The following UGGT2 variants were observed in gnomAD, a reference collection of about 807,000 sequenced individuals.
UGGT2 encodes the protein UDP-glucose:glycoprotein glucosyltransferase 2.
Under a neutral mutation model 192.1 loss-of-function variants are expected in UGGT2, and 180 were observed. That is an observed-to-expected ratio of 0.94 (90% CI 0.83 to 1.06). UGGT2 has a LOEUF of 1.06. Among genes scored for constraint, UGGT2 ranks in the 50% least tolerant of loss-of-function variants. The probability of loss-of-function intolerance (pLI) is 0.00; values close to 1 mark genes in which losing one functional copy is unlikely to be tolerated. For synonymous variants in UGGT2, 580 were observed against 591.0 expected, an observed-to-expected ratio of 0.98 and a Z score of 0.27; for missense variants, 1,849 against 1,795.7, an observed-to-expected ratio of 1.03 and a Z score of -0.54.
chr13:96,009,283 C>T (rs1403831734), intron 5 of UGGT2, among the ~76,000 whole-genome samples: 1 of 152,110 alleles, frequency 6.6e-6, no homozygotes, highest in Non-Finnish European at 1.5e-5. Context: ...TGGGCCCTGG[C>T]AAAGATTTCA....
chr13:95,964,729 C>T, intron 12 of UGGT2, among the ~76,000 whole-genome samples: 1 of 152,096 alleles, frequency 6.6e-6, no homozygotes, highest in Middle Eastern at 3.4e-3. Flanking sequence ...GCAACAAAAG[C>T]CAAAATTGAC....
intron 12 of UGGT2, among the ~76,000 whole-genome samples, chr13:95,966,664 A>T (rs2050589843): frequency 6.6e-6 from 1 of 152,208 alleles, no homozygotes; most frequent in Admixed American, 6.5e-5. Context: ...TATCACATGA[A>T]TCTCATAAAT....
At chr13:95,881,872 C>T (rs977375926) in intron 27 of UGGT2, among the ~76,000 whole-genome samples, 1 of 151,050 alleles carries the variant, frequency 6.6e-6, no homozygotes, top group Non-Finnish European at 1.5e-5. Flanking sequence ...AGAAGAGCAA[C>T]ACATCTGAAC....
intron 20 of UGGT2, among the ~76,000 whole-genome samples, chr13:95,913,062 C>A (rs564023169): frequency 9.2e-5 from 14 of 152,286 alleles, no homozygotes; most frequent in Admixed American, 8.5e-4. Context: ...TGGATCCTTT[C>A]CTTACACCTT....
chr13:95,982,498 T>C (rs2051158057), intron 10 of UGGT2, among the ~76,000 whole-genome samples: 1 of 152,148 alleles, frequency 6.6e-6, no homozygotes, highest in Admixed American at 6.5e-5. Flanking sequence ...GTGGTCAGCC[T>C]TCCCCATGCA....
At chr13:96,023,918 A>C (rs1026420849) in intron 2 of UGGT2, among the ~76,000 whole-genome samples, 159 bp from the exon 3 acceptor site, 2 of 152,216 alleles carry the variant, frequency 1.3e-5, no homozygotes, top group Non-Finnish European at 2.9e-5. Context: ...TCTCAGTTCT[A>C]TAATCAACTT....
At chr13:96,045,296 T>A (rs957982526) in intron 1 of UGGT2, among the ~76,000 whole-genome samples, 1 of 152,196 alleles carries the variant, frequency 6.6e-6, no homozygotes. Context: ...CCCTTTATGA[T>A]TAAAACTCTC....
At chr13:95,975,121 G>C (rs2140814668) in intron 10 of UGGT2, among the ~76,000 whole-genome samples, 1 of 152,188 alleles carries the variant, frequency 6.6e-6, no homozygotes, top group East Asian at 1.9e-4. Context: ...ATGCGGCTCT[G>C]AGTTGAAGAA....
intron 38 of UGGT2, among the ~76,000 whole-genome samples, chr13:95,816,702 G>A (rs975678231): frequency 3.3e-5 from 5 of 152,338 alleles, no homozygotes; most frequent in South Asian, 2.1e-4. Context: ...AAGCAGCTTA[G>A]TGATTGTAAG....
rs2053442980 is a variant in UGGT2 at position 96,050,158 on chromosome 13, C to A, written c.158+2997G>T. On this transcript the variant is annotated intron_variant, in intron 1 of 38. Coordinates refer to ENST00000376747, the MANE Select transcript of UGGT2 (RefSeq NM_020121.4). ...TATAGACCAATGGAACAGAGCAGAGCCCTCAGAAATAATACCACACATCTA... is the reference window on the plus strand; with the variant it reads ...TATAGACCAATGGAACAGAGCAGAGACCTCAGAAATAATACCACACATCTA... Among the ~76,000 whole-genome samples, 4 of 152,012 alleles carry A rather than the reference C, an allele frequency of 2.6e-5. No homozygotes were observed. In the South Asian group the frequency reaches 8.3e-4, roughly 32 times the overall value.
rs564986285 is a variant in UGGT2, at chr13:95,896,140, C to T, written c.2635-836G>A. 5.9e-5 allele frequency among the ~76,000 whole-genome samples: 9 copies of T among 152,188 alleles called. No homozygotes were observed. The South Asian group carries it at 1.0e-3, about 17-fold the overall frequency. ...TATATTTAATGATAATCAGAAAACA[C>T]GTCAACCAGATTATTTTTTTCTTGG... On this transcript the variant is annotated intron_variant, in intron 22 of 38. Coordinates refer to ENST00000376747, the MANE Select transcript of UGGT2 (RefSeq NM_020121.4).
Position 95,856,258 on chromosome 13 carries a change from T to TG in UGGT2, c.3907dup (p.Gln1303ProfsTer3). ...CCAAATAATCCTCTGTCTTTCAGTC[T>TG]GTTGACGAAGCCAACGGGGCCACCT... On this transcript the variant is annotated frameshift_variant, in exon 34 of 39. Transcript: ENST00000376747. LOFTEE classifies it high-confidence loss of function. The TG allele has an allele frequency of 6.2e-7, 1 of 1,613,792 alleles. No homozygotes were observed. Among genetic ancestry groups the TG allele is most frequent in the Non-Finnish European group, 8.5e-7 (1 of 1,179,828 alleles).
chr13:95,994,359 A>C (rs2051551562), intron 7 of UGGT2, among the ~76,000 whole-genome samples: 1 of 151,908 alleles, frequency 6.6e-6, no homozygotes, highest in African/African-American at 2.4e-5. Context: ...AAAAACAGTA[A>C]AAATAACACT....
chr13:95,915,147 G>C (rs2048641826), intron 20 of UGGT2, among the ~76,000 whole-genome samples: 1 of 152,130 alleles, frequency 6.6e-6, no homozygotes, highest in South Asian at 2.1e-4. Context: ...GCATCAGCTA[G>C]ACACTCTGGT....
At chr13:95,858,383 T>C (rs1889823649) in intron 33 of UGGT2, among the ~76,000 whole-genome samples, 1 of 151,956 alleles carries the variant, frequency 6.6e-6, no homozygotes, top group Non-Finnish European at 1.5e-5. Flanking sequence ...CCACAAAGCA[T>C]CAGTTCAACA....
chr13:95,806,046 A>AC (rs1884287978), intron 38 of UGGT2, among the ~76,000 whole-genome samples: 1 of 151,360 alleles, frequency 6.6e-6, no homozygotes, highest in African/African-American at 2.4e-5. Flanking sequence ...TAAAAAAAAA[A>AC]AAAAAACACA....
At chr13:95,868,459 G>A (rs1468083594) in intron 29 of UGGT2, among the ~76,000 whole-genome samples, 2 of 152,114 alleles carry the variant, frequency 1.3e-5, no homozygotes, top group African/African-American at 4.8e-5. Context: ...TTAGCTGGAT[G>A]TGGTGGCCAG....
At chr13:95,998,811 T>A (rs2051706384) in intron 6 of UGGT2, among the ~76,000 whole-genome samples, 1 of 152,138 alleles carries the variant, frequency 6.6e-6, no homozygotes, top group African/African-American at 2.4e-5. Flanking sequence ...CATCCTAATT[T>A]CATTTCAAAT....
intron 31 of UGGT2, among the ~76,000 whole-genome samples, chr13:95,861,481 C>A (rs1890162697): frequency 6.6e-6 from 1 of 152,040 alleles, no homozygotes. Flanking sequence ...TGGTTTACAT[C>A]ATGGTAGCGT....
Sources: gnomAD v4.1 joint callset for allele counts (sites outside exome capture counted in the v4.1 genomes callset) on GRCh38, gnomAD v4.1.1 for gene constraint, MANE v1.5 for transcripts, NCBI Gene and HGNC (gene_info 2026-07-23, HGNC 2026-07-21) for gene names.